CEP44: variants seen among roughly 807,000 people sequenced by gnomAD.
CEP44 encodes the protein centrosomal protein of 44 kDa.
A neutral mutation model predicts 46.7 loss-of-function variants in CEP44; 45 were observed. The observed-to-expected ratio is 0.96, with a 90% confidence interval of 0.76 to 1.24. The LOEUF (loss-of-function observed/expected upper bound fraction) is 1.24, where lower values mean the gene tolerates loss of function less well. Among genes scored for constraint, CEP44 ranks in the 50% most tolerant of loss-of-function variants. CEP44 has a pLI of 0.00. For synonymous variants in CEP44, 142 were observed against 146.0 expected (o/e 0.97, Z 0.20); for missense variants, 475 against 459.7 (o/e 1.03, Z -0.30).
rs569808584 is a variant in CEP44, at chr4:174,317,983, C to T, written c.*600C>T. The stretch of plus-strand genomic sequence containing the variant: ...GGGAAACAGGCTGGAGGACTATGGT[C>T]CTCAAGTTTAGACCAAGAGGACTAT... On this transcript the variant is annotated 3_prime_UTR_variant, in exon 12 of 12. Coordinates refer to ENST00000503780, the MANE Select transcript of CEP44 (RefSeq NM_001040157.3). 5.0e-4 allele frequency: 495 copies of T among 985,122 alleles called. 1 individual carries two copies. The highest frequency in any genetic ancestry group is 2.1e-3 in the Middle Eastern group (4 of 1,914). 61.0% of individuals were successfully genotyped at this position (985,122 alleles called of 1,614,324 possible).
chr4:174,290,775 T>C lies in CEP44; in HGVS notation c.-148+6832T>C, dbSNP rs537405557. On this transcript the variant is annotated intron_variant, in intron 1 of 11. Coordinates refer to ENST00000503780, the MANE Select transcript of CEP44 (RefSeq NM_001040157.3). The surrounding 1 kb of genome is among the most constrained non-coding windows in gnomAD (Gnocchi z 4.3). ...AGTCTCCTTCTATATTGTATCGATA[T>C]CTATTTCTTCCTTCAAATCTGTCAA... Among the ~76,000 whole-genome samples, 1 of 152,336 alleles carries C rather than the reference T, an allele frequency of 6.6e-6. No homozygotes were observed. The highest frequency in any genetic ancestry group is 2.4e-5 in the African/African-American group (1 of 41,580).
chr4:174,309,935 A>G lies in CEP44; in HGVS notation c.764A>G (p.Glu255Gly), dbSNP rs1394776468. ...AATCTTAAGAAACTGACTTCGATAG[A>G]GAAAAGGTTAGACTGTTTGGAACAA... ...QENLKKLTSI[E>G]KRLDCLEQKM... The change falls in exon 8 of 12, where the codon GAG (glutamate) becomes GGG (glycine). Residue 255 changes from glutamate (E) to glycine (G), a missense_variant. Physicochemically the swap from Glu to Gly is moderately conservative, Grantham distance 98. Coordinates refer to ENST00000503780, the MANE Select transcript of CEP44 (RefSeq NM_001040157.3). This position sits in a 1 kb window ranked among gnomAD's most constrained non-coding sequence, Gnocchi z 5.3. 6.2e-7 allele frequency: 1 copy of G among 1,612,658 alleles called. No individual in the cohort carries two copies. The highest frequency in any genetic ancestry group is 1.3e-5 in the African/African-American group (1 of 74,876).
downstream of CEP44, among the ~76,000 whole-genome samples, chr4:174,323,513 G>A (rs536085068): frequency 2.0e-5 from 3 of 152,168 alleles, no homozygotes; most frequent in South Asian, 6.2e-4. Flanking sequence ...TTGCAGTGGA[G>A]AAAAGATTTT....
Position 174,317,654 on chromosome 4 carries a change from A to G in CEP44, c.*271A>G. ...TCTTACAGAGTGAAGTCATTACAGC[A>G]CTGTATTTCTGTGTTGACATTTGTT... is the stretch of plus-strand genomic sequence containing the variant. On this transcript the variant is annotated 3_prime_UTR_variant, in exon 12 of 12. Coordinates refer to ENST00000503780, the MANE Select transcript of CEP44 (RefSeq NM_001040157.3). 1 of 1,028,980 alleles carries G rather than the reference A, an allele frequency of 9.7e-7. No homozygotes were observed. The highest frequency in any genetic ancestry group is 1.2e-6 in the Non-Finnish European group (1 of 857,298). 63.7% of individuals were successfully genotyped at this position (1,028,980 alleles called of 1,614,324 possible). A position where few individuals can be genotyped will look rare whatever the true frequency, so the allele number is the denominator to read the frequency against.
In CEP44 at chr4:174,332,877, C is replaced by T. The variant is rs138470164; in HGVS notation, c.*1282C>T. 480 of 152,260 alleles carry T rather than the reference C, an allele frequency of 3.2e-3. 4 individuals are homozygous for T. Among genetic ancestry groups the T allele is most frequent in the African/African-American group, 0.011 (452 of 41,552 alleles). The allele number at this position is 152,260 out of a possible 1,614,324, so 9.4% of individuals were successfully genotyped here. A position where few individuals can be genotyped will look rare whatever the true frequency, so the allele number is the denominator to read the frequency against. Reference sequence around the variant, plus strand: ...TGATGCTTAGGTTTGAACCTGTTAACCTTCCTGGGTTTGAGGGCTAGAAAA... The same window carrying T: ...TGATGCTTAGGTTTGAACCTGTTAATCTTCCTGGGTTTGAGGGCTAGAAAA... On this transcript the variant is annotated 3_prime_UTR_variant, in exon 9 of 9. Transcript: ENST00000426172.
In CEP44 at chr4:174,314,055, G is replaced by A. The variant is rs571152743; in HGVS notation, c.962-2111G>A. On this transcript the variant is annotated intron_variant, in intron 9 of 11. Coordinates refer to ENST00000503780, the MANE Select transcript of CEP44 (RefSeq NM_001040157.3). This position sits in a 1 kb window ranked among gnomAD's most constrained non-coding sequence, Gnocchi z 4.1. ...CTACTGATTCCCTTCGTGGAATAAG[G>A]TGATAAGCCTCCAAAGATGGCAGTG... 2.0e-5 allele frequency among the ~76,000 whole-genome samples: 3 copies of A among 152,290 alleles called. No individual in the cohort carries two copies. Among genetic ancestry groups the A allele is most frequent in the Non-Finnish European group, 2.9e-5 (2 of 68,024 alleles).
intron 4 of CEP44, among the ~76,000 whole-genome samples, chr4:174,302,784 T>C (rs1739886559): frequency 1.5e-5 from 2 of 134,352 alleles, no homozygotes; most frequent in Non-Finnish European, 3.3e-5. Flanking sequence ...ATGTAGTCTA[T>C]TTTTTTTTTT....
Position 174,319,839 on chromosome 4 carries a change from A to G in CEP44, c.*2456A>G. 1 of 984,960 alleles carries G rather than the reference A, an allele frequency of 1.0e-6. No individual in the cohort carries two copies. Among genetic ancestry groups the G allele is most frequent in the Non-Finnish European group, 1.2e-6 (1 of 829,518 alleles). The allele number at this position is 984,960 out of a possible 1,614,324, so 61.0% of individuals were successfully genotyped here. On this transcript the variant is annotated 3_prime_UTR_variant, in exon 12 of 12. Transcript: ENST00000503780. Reference sequence around the variant, plus strand: ...AATTCAACTTTATTGGAGTTATTGGACAGATCAGCAAATTGTTATTTTAAA... The same window carrying G: ...AATTCAACTTTATTGGAGTTATTGGGCAGATCAGCAAATTGTTATTTTAAA...
At position 174,290,111 on chromosome 4, in the gene CEP44, C is replaced by A. The variant is rs1035621495; in HGVS notation, c.-148+6168C>A. 2.6e-5 allele frequency among the ~76,000 whole-genome samples: 4 copies of A among 152,138 alleles called. No individual in the cohort carries two copies. The highest frequency in any genetic ancestry group is 7.2e-5 in the African/African-American group (3 of 41,426). On this transcript the variant is annotated intron_variant, in intron 1 of 11. Coordinates refer to ENST00000503780, the MANE Select transcript of CEP44 (RefSeq NM_001040157.3). The surrounding 1 kb of genome is among the most constrained non-coding windows in gnomAD (Gnocchi z 4.3). ...CCTAGTGACCCGCCTGCCTCAGCCCCCAAAAGTGCTAGGATTATAGGCGTG... is the reference window on the plus strand; with the variant it reads ...CCTAGTGACCCGCCTGCCTCAGCCCACAAAAGTGCTAGGATTATAGGCGTG...
Position 174,312,776 on chromosome 4 carries a change from T to C in CEP44, c.961+1918T>C, listed in dbSNP as rs1741231033. On this transcript the variant is annotated intron_variant, in intron 9 of 11. Coordinates refer to ENST00000503780, the MANE Select transcript of CEP44 (RefSeq NM_001040157.3). The surrounding 1 kb of genome is among the most constrained non-coding windows in gnomAD (Gnocchi z 4.5). Reference sequence around the variant, plus strand: ...ATAAAGACTTACACATTATACCTTATACATGCTACTTGGAAATAGGGTTTG... The same window carrying C: ...ATAAAGACTTACACATTATACCTTACACATGCTACTTGGAAATAGGGTTTG... Among the ~76,000 whole-genome samples the C allele has an allele frequency of 6.6e-6, 1 of 152,200 alleles. No individual in the cohort carries two copies. Among genetic ancestry groups the C allele is most frequent in the African/African-American group, 2.4e-5 (1 of 41,446 alleles).
At chr4:174,323,151 A>G (rs1395587863), downstream of CEP44, among the ~76,000 whole-genome samples, 1 of 152,162 alleles carries the variant, frequency 6.6e-6, no homozygotes, top group African/African-American at 2.4e-5. Flanking sequence ...TGAAAAAAAT[A>G]TAATAAATAT....
In CEP44 at chr4:174,331,761, G is replaced by C; in HGVS notation, c.*166G>C. 1 of 817,850 alleles carries C rather than the reference G, an allele frequency of 1.2e-6. No individual in the cohort carries two copies. Among genetic ancestry groups the C allele is most frequent in the Non-Finnish European group, 1.8e-6 (1 of 568,370 alleles). The allele number at this position is 817,850 out of a possible 1,614,324, so 50.7% of individuals were successfully genotyped here. A position where few individuals can be genotyped will look rare whatever the true frequency, so the allele number is the denominator to read the frequency against. On this transcript the variant is annotated 3_prime_UTR_variant, in exon 9 of 9. Coordinates refer to the CEP44 transcript ENST00000426172. The surrounding 1 kb of genome is among the most constrained non-coding windows in gnomAD (Gnocchi z 4.5). ...GATGACTTTTTCCTTCCTGCTACATGGGTAACACTTAGTTGTTTGTCTAAT... is the reference window on the plus strand; with the variant it reads ...GATGACTTTTTCCTTCCTGCTACATCGGTAACACTTAGTTGTTTGTCTAAT...
downstream of CEP44, among the ~76,000 whole-genome samples, chr4:174,321,396 T>C (rs554320023): frequency 1.6e-3 from 238 of 150,630 alleles, no homozygotes; most frequent in Non-Finnish European, 2.4e-3. Context: ...AGTTAAATGA[T>C]TTTTTTTCCT....
At chr4:174,298,170 A>ATTTTTTTTTTTTTTTTTTTTT (rs35951093) in intron 2 of CEP44, 108 bp downstream of exon 2, 1 of 81,256 alleles carries the variant, frequency 1.2e-5, no homozygotes, top group Non-Finnish European at 2.2e-5. Context: ...GGTATATATG[A>ATTTTTTTTTTTTTTTTTTTTT]TTTTTTTTTT....
chr4:174,317,608 A>T lies in CEP44; in HGVS notation c.*225A>T, dbSNP rs1579158597. 4.6e-6 allele frequency: 5 copies of T among 1,088,598 alleles called. No homozygotes were observed. Among genetic ancestry groups the T allele is most frequent in the South Asian group, 4.4e-5 (1 of 22,692 alleles). 67.4% of individuals were successfully genotyped at this position (1,088,598 alleles called of 1,614,324 possible). Reference sequence around the variant, plus strand: ...GTCACTTTTTTTTTTTTTAGGAAAAACTCATGTTCCAGTATATTTCTCTTA... The same window carrying T: ...GTCACTTTTTTTTTTTTTAGGAAAATCTCATGTTCCAGTATATTTCTCTTA... On this transcript the variant is annotated 3_prime_UTR_variant, in exon 12 of 12. Coordinates refer to ENST00000503780, the MANE Select transcript of CEP44 (RefSeq NM_001040157.3).
At chr4:174,302,437 AT>A (rs1158733624) in intron 4 of CEP44, among the ~76,000 whole-genome samples, 1 of 152,150 alleles carries the variant, frequency 6.6e-6, no homozygotes, top group African/African-American at 2.4e-5. Context: ...GCCCTTTTTA[AT>A]CAAATTTTAG....
At chr4:174,315,646 A>G (rs1741587042) in intron 9 of CEP44, among the ~76,000 whole-genome samples, 1 of 152,100 alleles carries the variant, frequency 6.6e-6, no homozygotes, top group Admixed American at 6.6e-5. Flanking sequence ...CACCATTTTA[A>G]GAAAAGAATA....
rs1741250390 is a variant in CEP44 at position 174,312,971 on chromosome 4, G to A, written c.961+2113G>A. Among the ~76,000 whole-genome samples the A allele has an allele frequency of 6.6e-6, 1 of 152,148 alleles. No homozygotes were observed. The highest frequency in any genetic ancestry group is 2.4e-5 in the African/African-American group (1 of 41,432). On this transcript the variant is annotated intron_variant, in intron 9 of 11. Transcript: ENST00000503780. The surrounding 1 kb of genome is among the most constrained non-coding windows in gnomAD (Gnocchi z 4.5). ...GTCTTGGTAAGAGTGAATTAGCAGA[G>A]GCTTTTAGGGATTGGACTTGTGTTG...
chr4:174,313,409 A>T (rs1741319213), intron 9 of CEP44, among the ~76,000 whole-genome samples: 1 of 150,748 alleles, frequency 6.6e-6, no homozygotes, highest in African/African-American at 2.4e-5. Flanking sequence ...GTGCTACCAC[A>T]GAAGAGTGTG....
Sources: gnomAD v4.1 joint callset for allele counts (sites outside exome capture counted in the v4.1 genomes callset) on GRCh38, gnomAD v4.1.1 for gene constraint, Gnocchi (gnomAD v3.1) non-coding constraint, MANE v1.5 for transcripts, NCBI Gene and HGNC (gene_info 2026-07-23, HGNC 2026-07-21) for gene names.